Variants in NCKAP5 observed in about 807,000 individuals in gnomAD.
NCKAP5 encodes NCK associated protein 5.
NCKAP5 carries 92 observed loss-of-function variants against 167.0 expected under a neutral mutation model. The ratio of observed to expected loss-of-function variants is 0.55; its 90% CI spans 0.47 to 0.66. The LOEUF (loss-of-function observed/expected upper bound fraction) is 0.66. NCKAP5 is among the 30% of genes least tolerant of loss of function. The pLI is 0.00. For synonymous variants in NCKAP5, 891 were observed against 877.4 expected, an observed-to-expected ratio of 1.02 and a Z score of -0.27; for missense variants, 2,378 against 2,315.0, an observed-to-expected ratio of 1.03 and a Z score of -0.56.
intron 5 of NCKAP5, among the ~76,000 whole-genome samples, chr2:133,176,345 T>C (rs1002091176): frequency 3.3e-5 from 5 of 152,230 alleles, no homozygotes; most frequent in Non-Finnish European, 7.3e-5. Context: ...TAAAAGGGCA[T>C]TGATCAAAAT....
chr2:133,500,392 C>CA (rs1411344861), intron 3 of NCKAP5, among the ~76,000 whole-genome samples: 2 of 152,180 alleles, frequency 1.3e-5, no homozygotes, highest in African/African-American at 4.8e-5. Context: ...CTCATCACAC[C>CA]AGAGACACTG....
In NCKAP5 at chr2:132,785,196, T is replaced by C; in HGVS notation, c.1615A>G (p.Ser539Gly). 1 of 1,577,536 alleles carries C rather than the reference T, an allele frequency of 6.3e-7. No homozygotes were observed. The highest frequency in any genetic ancestry group is 1.2e-5 in the South Asian group (1 of 84,648). Reference protein sequence around the residue: ...YPKERPEKLTSCASSCPLEMK... With the variant: ...YPKERPEKLTGCASSCPLEMK... ...TCTAAGGGACAGCTGCTGGCGCAACTTGTCAGCTTTTCAGGCCTTTCCTTG... is the reference window on the plus strand; with the variant it reads ...TCTAAGGGACAGCTGCTGGCGCAACCTGTCAGCTTTTCAGGCCTTTCCTTG... Residue 539 changes from serine (S) to glycine (G), a missense_variant, in exon 14 of 20, where the codon AGT becomes GGT. By Grantham distance (56) the Ser-to-Gly change is moderately conservative. This residue lies in a region of NCKAP5 where 1,049 missense variants were observed against 1,023.4 expected (regional missense o/e 1.02). Transcript: ENST00000409261.
At chr2:132,679,228 T>A (rs376776547) in intron 19 of NCKAP5, among the ~76,000 whole-genome samples, 93 of 152,272 alleles carry the variant, frequency 6.1e-4, no homozygotes, top group African/African-American at 2.0e-3. Flanking sequence ...AACAAGTGTC[T>A]TCCTGTAAAA....
At chr2:133,475,055 C>T (rs866458085) in intron 3 of NCKAP5, among the ~76,000 whole-genome samples, 7 of 152,066 alleles carry the variant, frequency 4.6e-5, no homozygotes, top group South Asian at 2.1e-4. Context: ...GTGATCCGCC[C>T]GCCTCAGCCT....
At chr2:132,683,710 C>T (rs1258766881) in intron 19 of NCKAP5, among the ~76,000 whole-genome samples, 1 of 152,200 alleles carries the variant, frequency 6.6e-6, no homozygotes, top group African/African-American at 2.4e-5. Context: ...CTTCAGCCAG[C>T]AAGTGTCACC....
At chr2:133,385,629 C>T (rs1262951607) in intron 3 of NCKAP5, among the ~76,000 whole-genome samples, 4 of 151,756 alleles carry the variant, frequency 2.6e-5, no homozygotes, top group Non-Finnish European at 4.4e-5. Context: ...ATGGTACCAG[C>T]CCCTCCTTGT....
At chr2:133,367,257 T>C (rs184317064) in intron 3 of NCKAP5, among the ~76,000 whole-genome samples, 1 of 152,298 alleles carries the variant, frequency 6.6e-6, no homozygotes, top group Non-Finnish European at 1.5e-5. Context: ...AATTATTGGC[T>C]ATTTTCTGCA....
intron 7 of NCKAP5, among the ~76,000 whole-genome samples, chr2:132,976,520 C>T (rs373929646): frequency 6.8e-5 from 10 of 146,348 alleles, no homozygotes; most frequent in East Asian, 4.0e-4. Flanking sequence ...GCTGAGATGG[C>T]GCCACTGCAC....
At chr2:132,719,816 T>C (rs1265992811) in intron 19 of NCKAP5, among the ~76,000 whole-genome samples, 1 of 152,150 alleles carries the variant, frequency 6.6e-6, no homozygotes, top group African/African-American at 2.4e-5. Flanking sequence ...GCTTCATAGT[T>C]TGTACTCCTA....
chr2:133,668,312 G>A, the NCKAP5 span, among the ~76,000 whole-genome samples: 3 of 152,002 alleles, frequency 2.0e-5, no homozygotes, highest in Admixed American at 2.0e-4. Context: ...TGGACCTGAT[G>A]CATCATATGG....
intron 4 of NCKAP5, chr2:133,284,636 C>CCAAT (rs2090044265): frequency 6.6e-6 from 1 of 152,122 alleles, no homozygotes; most frequent in Non-Finnish European, 1.5e-5. Context: ...ATTCAAGGAA[C>CCAAT]CAATCTCTAT....
intron 3 of NCKAP5, among the ~76,000 whole-genome samples, chr2:133,501,337 A>C (rs1682494686): frequency 6.6e-6 from 1 of 152,196 alleles, no homozygotes. Context: ...AGTTGGCTAG[A>C]CTCATACACC....
chr2:133,672,813 T>C, the NCKAP5 span, among the ~76,000 whole-genome samples: 1 of 152,198 alleles, frequency 6.6e-6, no homozygotes, highest in African/African-American at 2.4e-5. Context: ...GGAAGGAGAT[T>C]GGACTTGACT....
chr2:133,625,013 C>T, the NCKAP5 span, among the ~76,000 whole-genome samples: 1 of 152,182 alleles, frequency 6.6e-6, no homozygotes, highest in African/African-American at 2.4e-5. Context: ...TTAACTTTCA[C>T]TAAACATCCT....
chr2:132,731,981 G>A lies in NCKAP5; in HGVS notation c.5199C>T (p.Arg1733=). 6.2e-7 allele frequency: 1 copy of A among 1,613,880 alleles called. No homozygotes were observed. The highest frequency in any genetic ancestry group is 8.5e-7 in the Non-Finnish European group (1 of 1,179,872). Residue 1733 remains arginine, a synonymous_variant, in exon 17 of 20, where the codon CGC becomes CGT. Transcript: ENST00000409261. ...GTFPLPDSGN[R]STGRYLCQPD... ...GCTGGCATAGGTAGCGTCCTGTCGA[G>A]CGATTTCCCGAGTCTGGGAGTGGAA... is the stretch of plus-strand genomic sequence containing the variant.
At chr2:132,745,011 T>C (rs1204115763) in intron 16 of NCKAP5, among the ~76,000 whole-genome samples, 1 of 151,856 alleles carries the variant, frequency 6.6e-6, no homozygotes, top group Non-Finnish European at 1.5e-5. Context: ...GTCTTCACTA[T>C]TGAATTCTTC....
intron 4 of NCKAP5, among the ~76,000 whole-genome samples, chr2:133,259,772 A>T (rs554061502): frequency 7.2e-5 from 11 of 152,364 alleles, no homozygotes; most frequent in African/African-American, 1.9e-4. Flanking sequence ...GAAGAAAAAG[A>T]GGGACAGGTC....
At position 133,384,075 on chromosome 2, in the gene NCKAP5, T is replaced by C. The variant is rs373730358; in HGVS notation, c.70-80965A>G. 3.3e-5 allele frequency among the ~76,000 whole-genome samples: 5 copies of C among 152,340 alleles called. No homozygotes were observed. In the East Asian group the frequency reaches 9.7e-4, roughly 29 times the overall value. ...CTTTAGTTTAATTAGATCCCATTTG[T>C]CAATTTTGACTTTTGTTGCCATTGC... On this transcript the variant is annotated intron_variant, in intron 3 of 19. Coordinates refer to ENST00000409261, the MANE Select transcript of NCKAP5 (RefSeq NM_207363.3).
upstream of NCKAP5, among the ~76,000 whole-genome samples, chr2:133,569,453 T>C (rs1688776073): frequency 6.6e-6 from 1 of 151,476 alleles, no homozygotes; most frequent in African/African-American, 2.4e-5. Context: ...TTTTAGTTTG[T>C]TTTTTAGCCA....
Sources: allele counts gnomAD v4.1 joint callset (sites outside exome capture counted in the v4.1 genomes callset), GRCh38; gene constraint gnomAD v4.1.1; regional missense constraint gnomAD v4.1.1; transcripts MANE v1.5; gene names NCBI Gene and HGNC (gene_info 2026-07-23, HGNC 2026-07-21).